The following SP110 variants were observed in gnomAD, a reference collection of about 807,000 sequenced individuals.
SP110 encodes the protein interferon-induced protein 41, 30kD.
A neutral mutation model predicts 92.7 loss-of-function variants in SP110; 62 were observed. That is an observed-to-expected ratio of 0.67 (90% confidence interval 0.55 to 0.83). The LOEUF (loss-of-function observed/expected upper bound fraction) is 0.83, where lower values mean the gene tolerates loss of function less well. Ranked by LOEUF, SP110 falls within the 40% of genes least tolerant of loss-of-function variation. The probability of loss-of-function intolerance (pLI) is 0.00; values close to 1 mark genes in which losing one functional copy is unlikely to be tolerated. For missense variants in SP110, 793 were observed against 863.9 expected, an observed-to-expected ratio of 0.92 and a Z score of 1.03; for synonymous variants, 273 against 305.3, an observed-to-expected ratio of 0.89 and a Z score of 1.10.
chr2:230,214,994 C>A lies in SP110; in HGVS notation c.272G>T (p.Arg91Leu). ...AATCGTCACCAGATTGGGATATTCA[C>A]GCAGGTTAATTTGACTGAACAATGT... is the stretch of plus-strand genomic sequence containing the variant. ...LVTLFSQINL[R>L]EYPNLVTIYR... is the part of the protein sequence containing the mutation. The change falls in exon 3 of 19, where the codon CGT (arginine) becomes CTT (leucine). Residue 91 changes from arginine (R) to leucine (L), a missense_variant. Physicochemically the swap from Arg to Leu is moderately radical, Grantham distance 102. Transcript: ENST00000258381. The A allele has an allele frequency of 6.2e-7, 1 of 1,613,996 alleles. No individual in the cohort carries two copies. The highest frequency in any genetic ancestry group is 8.5e-7 in the Non-Finnish European group (1 of 1,179,862).
At chr2:230,171,482 G>A in intron 17 of SP110, 1 of 593,020 alleles carries the variant, frequency 1.7e-6, no homozygotes, top group Non-Finnish European at 3.0e-6. Flanking sequence ...AACTTGCCCG[G>A]TATCCCAGAG....
Position 230,212,920 on chromosome 2 carries a change from G to C in SP110, c.424C>G (p.Pro142Ala). The C allele has an allele frequency of 6.2e-7, 1 of 1,614,064 alleles. No homozygotes were observed. The highest frequency in any genetic ancestry group is 8.5e-7 in the Non-Finnish European group (1 of 1,180,006). ...SLHTPLALPPPQPPQPSCSPC... is the reference protein window; with the variant it reads ...SLHTPLALPPAQPPQPSCSPC... ...GAACAGCTTGGTTGAGGGGGTTGTG[G>C]TGGGGGCAGCGCCAGTGGGGTATGG... The change falls in exon 4 of 19, where the codon CCA (proline) becomes GCA (alanine). Residue 142 changes from proline (P) to alanine (A), a missense_variant. Pro to Ala is a conservative substitution (Grantham distance 27). Transcript: ENST00000258381.
rs2106330528 is a variant in SP110 at position 230,166,074 on chromosome 2, A to G, written c.*3050T>C. ...ACGCCTGGCTAATTTTTGTATTTTT[A>G]GTAGAGACGGGGTTTCACCACGTTG... On this transcript the variant is annotated 3_prime_UTR_variant, in exon 19 of 19. Transcript: ENST00000258381. 6.6e-6 allele frequency among the ~76,000 whole-genome samples: 1 copy of G among 152,184 alleles called. No individual in the cohort carries two copies. The highest frequency in any genetic ancestry group is 1.5e-5 in the Non-Finnish European group (1 of 68,014).
At chr2:230,193,304 T>C (rs566682576) in intron 10 of SP110, among the ~76,000 whole-genome samples, 23 of 152,352 alleles carry the variant, frequency 1.5e-4, no homozygotes, top group African/African-American at 5.0e-4. Context: ...TTTGTATCCA[T>C]TCTGCCAATC....
intron 4 of SP110, 96 bp downstream of exon 4, chr2:230,212,665 A>G: frequency 6.7e-7 from 1 of 1,487,014 alleles, no homozygotes. Context: ...GAGAAGAACT[A>G]GGACAATAAA....
At chr2:230,171,589 T>C in intron 17 of SP110, 107 bp downstream of exon 17, 1 of 872,288 alleles carries the variant, frequency 1.1e-6, no homozygotes, top group Non-Finnish European at 2.0e-6. Flanking sequence ...CACGCTGCCC[T>C]TCTCTTCTGT....
chr2:230,205,469 C>T (rs2043666182), intron 8 of SP110, among the ~76,000 whole-genome samples: 1 of 152,156 alleles, frequency 6.6e-6, no homozygotes, highest in African/African-American at 2.4e-5. Context: ...TTCTTTCATC[C>T]TGTCATCAGT....
At position 230,169,128 on chromosome 2, in the gene SP110, G is replaced by C. The variant is rs200225863; in HGVS notation, c.2138C>G (p.Pro713Arg). The C allele has an allele frequency of 3.7e-5, 60 of 1,603,140 alleles. No homozygotes were observed. In the Middle Eastern group the frequency reaches 4.9e-4, roughly 13 times the overall value. The change falls in exon 19 of 19, where the codon CCT (proline) becomes CGT (arginine). Residue 713 changes from proline to arginine, a missense_variant. Coordinates refer to ENST00000258381, the MANE Select transcript of SP110 (RefSeq NM_080424.4). ...EANDGGFWTL[P>R] is the part of the protein sequence containing the mutation. ...TTCAGTCTTTACAGAACAGGGTCAA[G>C]GAAGAGTCCAGAAACCGCCGTCATT... is the stretch of plus-strand genomic sequence containing the variant.
At chr2:230,173,073 CA>C in intron 14 of SP110, 114 bp from the exon 15 acceptor site, 1 of 736,182 alleles carries the variant, frequency 1.4e-6, no homozygotes, top group Non-Finnish European at 2.4e-6. Context: ...TATCCAAACC[CA>C]ATTTTTGATG....
chr2:230,200,827 G>T, intron 10 of SP110, 58 bp downstream of exon 10: 2 of 1,264,926 alleles, frequency 1.6e-6, no homozygotes, highest in Non-Finnish European at 2.3e-6. Context: ...GTGTAAGACA[G>T]CTCTGAATTT....
At chr2:230,222,988 C>T (rs1372309929), upstream of SP110, among the ~76,000 whole-genome samples, 1 of 151,604 alleles carries the variant, frequency 6.6e-6, no homozygotes, top group Non-Finnish European at 1.5e-5. Flanking sequence ...TGCTAGCCAC[C>T]AAGATCCTGC....
rs2044574230 is a variant in SP110 at position 230,212,272 on chromosome 2, C to T, written c.667+75G>A. 7 of 1,101,712 alleles carry T rather than the reference C, an allele frequency of 6.4e-6. No individual in the cohort carries two copies. The South Asian group carries it at 8.8e-5, about 14-fold the overall frequency. The allele number at this position is 1,101,712 out of a possible 1,614,324, so 68.2% of individuals were successfully genotyped here. Reference sequence around the variant, plus strand: ...TTTTTCCCAGGGTTCCCACCATAGCCTCTTGGTTGGCAGACGCATGTTCTC... The same window carrying T: ...TTTTTCCCAGGGTTCCCACCATAGCTTCTTGGTTGGCAGACGCATGTTCTC... On this transcript the variant is annotated intron_variant, in intron 5 of 18. Coordinates refer to ENST00000258381, the MANE Select transcript of SP110 (RefSeq NM_080424.4).
intron 1 of SP110, among the ~76,000 whole-genome samples, chr2:230,218,943 G>A (rs1439605172): frequency 1.3e-5 from 2 of 152,198 alleles, no homozygotes; most frequent in African/African-American, 4.8e-5. Context: ...GCATAAAGAA[G>A]GCCAGGCATG....
At chr2:230,206,595 T>TTATATATATATAGA (rs2043845422) in intron 8 of SP110, among the ~76,000 whole-genome samples, 1 of 70,508 alleles carries the variant, frequency 1.4e-5, no homozygotes, top group Non-Finnish European at 2.8e-5. Context: ...GGTCCAGATT[T>TTATATATATATAGA]TATATATATA....
chr2:230,225,185 A>G (rs963692133), intron 1 of SP110, among the ~76,000 whole-genome samples: 1 of 152,170 alleles, frequency 6.6e-6, no homozygotes, highest in African/African-American at 2.4e-5. Context: ...GCTGTTGTAA[A>G]GTGCCCACAT....
intron 10 of SP110, among the ~76,000 whole-genome samples, chr2:230,196,099 T>G (rs1208123265): frequency 6.6e-6 from 1 of 152,180 alleles, no homozygotes; most frequent in Non-Finnish European, 1.5e-5. Context: ...AGGAAATGAA[T>G]ACTCATATAT....
At chr2:230,197,954 A>G (rs2042956142) in intron 10 of SP110, among the ~76,000 whole-genome samples, 1 of 152,196 alleles carries the variant, frequency 6.6e-6, no homozygotes, top group African/African-American at 2.4e-5. Context: ...GCCTAGCCTG[A>G]TTTACAATTT....
chr2:230,222,564 AT>A (rs1348705307), upstream of SP110, among the ~76,000 whole-genome samples: 1 of 151,928 alleles, frequency 6.6e-6, no homozygotes, highest in Non-Finnish European at 1.5e-5. Flanking sequence ...ACAAAAATAC[AT>A]TTTTTTAAAT....
chr2:230,170,434 C>T (rs1413744799), intron 18 of SP110, among the ~76,000 whole-genome samples, 187 bp downstream of exon 18: 5 of 151,768 alleles, frequency 3.3e-5, no homozygotes, highest in African/African-American at 4.8e-5. Flanking sequence ...CCCTGTCCTG[C>T]TTGCTGTTCT....
Sources: gnomAD v4.1 joint callset for allele counts (sites outside exome capture counted in the v4.1 genomes callset) on GRCh38, gnomAD v4.1.1 for gene constraint, MANE v1.5 for transcripts, NCBI Gene and HGNC (gene_info 2026-07-23, HGNC 2026-07-21) for gene names.